Variants in TASP1 observed in about 807,000 individuals in gnomAD.
The protein encoded by TASP1 is taspase 1, also known as threonine aspartase 1.
TASP1 carries 16 observed loss-of-function variants against 56.6 expected under a neutral mutation model. That is an observed-to-expected ratio of 0.28 (90% confidence interval 0.19 to 0.43). The LOEUF (loss-of-function observed/expected upper bound fraction) is 0.43, where lower values mean the gene tolerates loss of function less well. Ranked by LOEUF, TASP1 falls within the 20% of genes least tolerant of loss-of-function variation. The pLI is 1.00. For synonymous variants in TASP1, 179 were observed against 184.2 expected, an observed-to-expected ratio of 0.97 and a Z score of 0.23; for missense variants, 393 against 511.6, an observed-to-expected ratio of 0.77 and a Z score of 2.24.
At chr20:13,451,341 T>C (rs1159533901) in intron 11 of TASP1, among the ~76,000 whole-genome samples, 2 of 152,104 alleles carry the variant, frequency 1.3e-5, no homozygotes, top group Non-Finnish European at 2.9e-5. Flanking sequence ...GCCAAGGCAC[T>C]GACTTCTCCT....
the TASP1 span, among the ~76,000 whole-genome samples, chr20:13,365,395 TGA>T: frequency 3.3e-5 from 5 of 152,266 alleles, no homozygotes; most frequent in East Asian, 9.6e-4. Flanking sequence ...GATAATAATT[TGA>T]GAGAGTTGTG....
At chr20:13,346,407 G>A in the TASP1 span, among the ~76,000 whole-genome samples, 1 of 152,174 alleles carries the variant, frequency 6.6e-6, no homozygotes, top group Non-Finnish European at 1.5e-5. Flanking sequence ...ACTTGAAACT[G>A]GGAACCTTGG....
chr20:13,330,444 A>T, the TASP1 span, among the ~76,000 whole-genome samples: 1 of 149,202 alleles, frequency 6.7e-6, no homozygotes. Context: ...GGACTTTTGC[A>T]TCTATATTTA....
At chr20:13,193,087 A>G in the TASP1 span, among the ~76,000 whole-genome samples, 8 of 152,330 alleles carry the variant, frequency 5.3e-5, no homozygotes, top group Admixed American at 2.6e-4. Flanking sequence ...AACCACTAAT[A>G]AAATTTTTTC....
the TASP1 span, among the ~76,000 whole-genome samples, chr20:13,148,943 T>C: frequency 5.3e-5 from 8 of 152,228 alleles, no homozygotes; most frequent in Non-Finnish European, 8.8e-5. Flanking sequence ...ATTAATTTCT[T>C]GATTTCTCCC....
chr20:13,504,460 C>T (rs993675762), intron 10 of TASP1, among the ~76,000 whole-genome samples: 1 of 151,948 alleles, frequency 6.6e-6, no homozygotes, highest in Non-Finnish European at 1.5e-5. Flanking sequence ...ACAAGAAATG[C>T]TAAAGGGAGT....
the TASP1 span, among the ~76,000 whole-genome samples, chr20:13,269,655 A>G: frequency 6.6e-6 from 1 of 152,124 alleles, no homozygotes; most frequent in African/African-American, 2.4e-5. Flanking sequence ...TTCTCTTGTT[A>G]AGATCTTGCC....
intron 10 of TASP1, among the ~76,000 whole-genome samples, chr20:13,516,658 G>GTTTTTTTTTTTTTTTTTTTTTTTTT (rs34296221): frequency 8.0e-6 from 1 of 124,848 alleles, no homozygotes; most frequent in Non-Finnish European, 1.7e-5. Flanking sequence ...TTACGCCTTT[G>GTTTTTTTTTTTTTTTTTTTTTTTTT]TTTTTTTTTT....
the TASP1 span, among the ~76,000 whole-genome samples, chr20:13,147,303 C>T: frequency 6.6e-6 from 1 of 152,168 alleles, no homozygotes; most frequent in African/African-American, 2.4e-5. Context: ...TCCAAATGTT[C>T]TTTTCTCCAC....
At chr20:13,520,461 C>T (rs1450035542) in intron 10 of TASP1, among the ~76,000 whole-genome samples, 5 of 151,972 alleles carry the variant, frequency 3.3e-5, no homozygotes, top group South Asian at 2.1e-4. Context: ...CCCTCAGAAA[C>T]AATGCCACAT....
the TASP1 span, among the ~76,000 whole-genome samples, chr20:13,312,151 G>T: frequency 0.13 from 19,549 of 152,122 alleles, 1,377 homozygotes; most frequent in Admixed American, 0.18. Context: ...CAACTGCTAC[G>T]TTATCTTCTG....
At chr20:13,267,638 C>G in the TASP1 span, among the ~76,000 whole-genome samples, 4 of 152,146 alleles carry the variant, frequency 2.6e-5, no homozygotes, top group African/African-American at 9.7e-5. Flanking sequence ...AATTTCCTAC[C>G]AGGAAAAATT....
the TASP1 span, among the ~76,000 whole-genome samples, chr20:13,358,068 G>T: frequency 6.6e-6 from 1 of 152,234 alleles, no homozygotes; most frequent in Non-Finnish European, 1.5e-5. Context: ...ACATTACCTT[G>T]TGAAAGTCCT....
At chr20:13,228,147 AT>A in the TASP1 span, among the ~76,000 whole-genome samples, 15 of 151,556 alleles carry the variant, frequency 9.9e-5, no homozygotes, top group African/African-American at 3.6e-4. Context: ...TAATTTTTGT[AT>A]TTTTAGTAGA....
chr20:13,392,705 T>G lies in TASP1; in HGVS notation c.1171-2253A>C. On this transcript the variant is annotated intron_variant, in intron 13 of 13. Transcript: ENST00000337743. Reference sequence around the variant, plus strand: ...GAAGGTGAAGGCCAAAGTAAAAAGATTTGGCAGTATCGGGCGCTGGTCACC... The same window carrying G: ...GAAGGTGAAGGCCAAAGTAAAAAGAGTTGGCAGTATCGGGCGCTGGTCACC... 7.3e-6 allele frequency: 4 copies of G among 551,110 alleles called. No individual in the cohort carries two copies. In the Admixed American group the frequency reaches 7.8e-5, roughly 11 times the overall value. 34.1% of individuals were successfully genotyped at this position (551,110 alleles called of 1,614,324 possible).
the TASP1 span, chr20:13,239,754 C>T: frequency 6.6e-6 from 1 of 152,162 alleles, no homozygotes. Context: ...AAAGCCAAGC[C>T]CCAATGTCTC....
At chr20:13,515,381 C>T (rs1213422049) in intron 10 of TASP1, among the ~76,000 whole-genome samples, 1 of 151,860 alleles carries the variant, frequency 6.6e-6, no homozygotes, top group East Asian at 1.9e-4. Flanking sequence ...TTGCACAGCA[C>T]CACTTTGTCC....
intron 13 of TASP1, among the ~76,000 whole-genome samples, chr20:13,390,936 C>T (rs1032935919): frequency 1.8e-4 from 27 of 152,010 alleles, no homozygotes; most frequent in African/African-American, 5.8e-4. Flanking sequence ...ATTCAATAGC[C>T]TAAAGTAGGA....
At chr20:13,260,683 A>T in the TASP1 span, among the ~76,000 whole-genome samples, 1 of 152,064 alleles carries the variant, frequency 6.6e-6, no homozygotes, top group African/African-American at 2.4e-5. Context: ...AGGAAGTCAG[A>T]GCTGAATAGA....
Sources: gnomAD v4.1 joint callset for allele counts (sites outside exome capture counted in the v4.1 genomes callset) on GRCh38, gnomAD v4.1.1 for gene constraint, MANE v1.5 for transcripts, NCBI Gene and HGNC (gene_info 2026-07-23, HGNC 2026-07-21) for gene names.